Variants in GRM7 observed in about 807,000 individuals in gnomAD.
GRM7 encodes the protein glutamate metabotropic receptor 7.
Under a neutral mutation model 84.5 loss-of-function variants are expected in GRM7, and 35 were observed. That is an observed-to-expected ratio of 0.41 (90% confidence interval 0.32 to 0.55). The LOEUF is 0.55. GRM7 is among the 20% of genes least tolerant of loss of function. The probability of loss-of-function intolerance (pLI) is 0.19; values close to 1 mark genes in which losing one functional copy is unlikely to be tolerated. For missense variants in GRM7, 1,003 were observed against 1,194.6 expected (o/e 0.84, Z 2.36); for synonymous variants, 487 against 455.1 (o/e 1.07, Z -0.89).
intron 2 of GRM7, among the ~76,000 whole-genome samples, chr3:7,157,413 A>G (rs913863437): frequency 7.9e-5 from 12 of 152,300 alleles, no homozygotes; most frequent in African/African-American, 2.9e-4. Context: ...GAAAAAAAGA[A>G]AAAAATTAAT....
At chr3:6,969,238 T>G (rs1390417573) in intron 1 of GRM7, among the ~76,000 whole-genome samples, 1 of 152,220 alleles carries the variant, frequency 6.6e-6, no homozygotes. Context: ...AATAATGTCC[T>G]GAAAATTATC....
chr3:7,090,862 T>C (rs546934515), intron 1 of GRM7, among the ~76,000 whole-genome samples: 1 of 152,254 alleles, frequency 6.6e-6, no homozygotes, highest in Admixed American at 6.5e-5. Context: ...GAAAATGAAT[T>C]TAGCTTCTTA....
chr3:7,301,987 T>C (rs1575140469), intron 3 of GRM7, among the ~76,000 whole-genome samples: 1 of 152,180 alleles, frequency 6.6e-6, no homozygotes, highest in Admixed American at 6.5e-5. Flanking sequence ...GTATAGATGA[T>C]TTGGATTTTA....
chr3:7,312,187 C>A (rs776474604), intron 4 of GRM7, among the ~76,000 whole-genome samples: 4 of 152,048 alleles, frequency 2.6e-5, no homozygotes, highest in African/African-American at 4.8e-5. Context: ...TAACAGCGGG[C>A]AATAAATGAT....
intron 1 of GRM7, among the ~76,000 whole-genome samples, chr3:7,021,855 T>C (rs976628997): frequency 2.6e-5 from 4 of 152,208 alleles, no homozygotes; most frequent in African/African-American, 9.7e-5. Flanking sequence ...TAAAATAAGA[T>C]TTATGGCATT....
At chr3:7,141,174 C>T (rs956212811) in intron 1 of GRM7, among the ~76,000 whole-genome samples, 2 of 151,822 alleles carry the variant, frequency 1.3e-5, no homozygotes, top group Non-Finnish European at 2.9e-5. Context: ...CTAACTGAAT[C>T]ATTATAACTT....
At chr3:7,697,045 T>G (rs1701048822) in intron 9 of GRM7, among the ~76,000 whole-genome samples, 6 of 152,098 alleles carry the variant, frequency 3.9e-5, no homozygotes, top group Admixed American at 3.3e-4. Flanking sequence ...GAACTCAAGC[T>G]GTTAAATGGC....
At chr3:7,695,992 T>C (rs1409308164) in intron 9 of GRM7, among the ~76,000 whole-genome samples, 1 of 152,162 alleles carries the variant, frequency 6.6e-6, no homozygotes, top group Non-Finnish European at 1.5e-5. Context: ...AACAGGCACA[T>C]GTAGCTAGCA....
chr3:6,917,110 C>A lies in GRM7; in HGVS notation c.519+55203C>A, dbSNP rs1052447809. On this transcript the variant is annotated intron_variant, in intron 1 of 9. Transcript: ENST00000357716. ...CAAGTTACTTAAAGTCTTTGTACCT[C>A]AGTTTTCTCAACTGTCCATTGATAA... Among the ~76,000 whole-genome samples the A allele has an allele frequency of 1.6e-4, 24 of 152,128 alleles. 1 individual carries two copies. Among genetic ancestry groups the A allele is most frequent in the Admixed American group, 6.6e-4 (10 of 15,252 alleles).
chr3:7,103,816 T>TTCTTTCTTTCTTTCTTTTTCTTTC (rs1553617438), intron 1 of GRM7, among the ~76,000 whole-genome samples: 5 of 89,058 alleles, frequency 5.6e-5, no homozygotes, highest in Non-Finnish European at 9.1e-5. Flanking sequence ...CTTTCTTTCT[T>TTCTTTCTTTCTTTCTTTTTCTTTC]TCTCTCTCTC....
rs375017890 is a variant in GRM7, at chr3:7,514,547, C to T, written c.1515+52825C>T. On this transcript the variant is annotated intron_variant, in intron 7 of 9. Coordinates refer to ENST00000357716, the MANE Select transcript of GRM7 (RefSeq NM_000844.4). ...AAATGCCCATGTGGAATGTTTCACT[C>T]ATTTTATCATGAAAGACAACTTGCT... 5.2e-4 allele frequency among the ~76,000 whole-genome samples: 79 copies of T among 152,320 alleles called. 2 individuals are homozygous for T. The South Asian group carries it at 0.012, about 23-fold the overall frequency.
intron 1 of GRM7, among the ~76,000 whole-genome samples, chr3:6,885,863 A>G (rs1695672598): frequency 6.6e-6 from 1 of 152,210 alleles, no homozygotes; most frequent in South Asian, 2.1e-4. Flanking sequence ...AATATCACTT[A>G]TTGAAGGTCT....
rs567625825 is a variant in GRM7 at position 6,915,140 on chromosome 3, A to T, written c.519+53233A>T. Among the ~76,000 whole-genome samples the T allele has an allele frequency of 2.6e-5, 4 of 152,140 alleles. No homozygotes were observed. The South Asian group carries it at 8.3e-4, about 32-fold the overall frequency. On this transcript the variant is annotated intron_variant, in intron 1 of 9. Transcript: ENST00000357716. ...ATTCAGCATTATAAATGTATTCTTA[A>T]ACATATGTAATAAAGAGTCACGCTT... is the stretch of plus-strand genomic sequence containing the variant.
At chr3:7,143,657 G>A (rs1276008630) in intron 1 of GRM7, among the ~76,000 whole-genome samples, 1 of 152,038 alleles carries the variant, frequency 6.6e-6, no homozygotes, top group Non-Finnish European at 1.5e-5. Context: ...TTGCATTGGG[G>A]CACTTCACAA....
chr3:7,353,398 C>T (rs1435516045), intron 4 of GRM7, among the ~76,000 whole-genome samples: 1 of 152,014 alleles, frequency 6.6e-6, no homozygotes, highest in East Asian at 1.9e-4. Flanking sequence ...TATGGGCCCA[C>T]TAAACAGAGA....
At chr3:7,098,956 C>T (rs1344088104) in intron 1 of GRM7, among the ~76,000 whole-genome samples, 1 of 151,772 alleles carries the variant, frequency 6.6e-6, no homozygotes, top group African/African-American at 2.4e-5. Flanking sequence ...TCTCTGATGC[C>T]TGTGGGTTTT....
chr3:7,135,848 ATTTATT>A (rs1693753618), intron 1 of GRM7, among the ~76,000 whole-genome samples: 2 of 152,216 alleles, frequency 1.3e-5, no homozygotes, highest in South Asian at 2.1e-4. Context: ...ATATTTAGAA[ATTTATT>A]TTTATGAGAA....
intron 1 of GRM7, among the ~76,000 whole-genome samples, chr3:7,073,013 C>A (rs949394522): frequency 6.6e-6 from 1 of 151,976 alleles, no homozygotes; most frequent in South Asian, 2.1e-4. Context: ...ATTAGTGGAC[C>A]CTATATTAAG....
At chr3:7,240,102 A>G (rs554127568) in intron 2 of GRM7, among the ~76,000 whole-genome samples, 1 of 119,100 alleles carries the variant, frequency 8.4e-6, no homozygotes, top group Admixed American at 1.0e-4. Context: ...GAGTACCAGT[A>G]ATCTTTTAGC....
Sources: allele counts gnomAD v4.1 joint callset (sites outside exome capture counted in the v4.1 genomes callset), GRCh38; gene constraint gnomAD v4.1.1; transcripts MANE v1.5; gene names NCBI Gene and HGNC (gene_info 2026-07-23, HGNC 2026-07-21).